MFAP5: variants seen among roughly 807,000 people sequenced by gnomAD.
MFAP5 encodes microfibrillar-associated protein 5.
A neutral mutation model predicts 30.1 loss-of-function variants in MFAP5; 19 were observed. That is an observed-to-expected ratio of 0.63 (90% CI 0.44 to 0.93). The LOEUF (loss-of-function observed/expected upper bound fraction) is 0.93, where lower values mean the gene tolerates loss of function less well. MFAP5 is among the 40% of genes least tolerant of loss of function. The probability of loss-of-function intolerance (pLI) is 0.00; values close to 1 mark genes in which losing one functional copy is unlikely to be tolerated. For missense variants in MFAP5, 210 were observed against 221.3 expected (o/e 0.95, Z 0.32); for synonymous variants, 92 against 72.9 (o/e 1.26, Z -1.33).
At position 8,646,246 on chromosome 12, in the gene MFAP5, T is replaced by A. The variant is rs917124628; in HGVS notation, c.*1845A>T. On this transcript the variant is annotated 3_prime_UTR_variant, in exon 10 of 10. Coordinates refer to ENST00000359478, the MANE Select transcript of MFAP5 (RefSeq NM_003480.4). ...TTTGGGGCTTTTTGTAGCATTTTTTTAAAATCAGTTGTACAGATCCCATTA... is the reference window on the plus strand; with the variant it reads ...TTTGGGGCTTTTTGTAGCATTTTTTAAAAATCAGTTGTACAGATCCCATTA... 4 of 152,394 alleles carry A rather than the reference T, an allele frequency of 2.6e-5. No homozygotes were observed. The highest frequency in any genetic ancestry group is 2.1e-4 in the South Asian group (1 of 4,828). 9.4% of individuals were successfully genotyped at this position (152,394 alleles called of 1,614,324 possible). A position where few individuals can be genotyped will look rare whatever the true frequency, so the allele number is the denominator to read the frequency against.
intron 9 of MFAP5, chr12:8,648,601 G>T: frequency 8.7e-7 from 1 of 1,151,442 alleles, no homozygotes; most frequent in Non-Finnish European, 1.2e-6. Flanking sequence ...ATACATTTAC[G>T]TGCTTACTAT....
chr12:8,647,937 GGT>G lies in MFAP5; in HGVS notation c.*152_*153del. The G allele has an allele frequency of 1.9e-6, 1 of 527,032 alleles. No individual in the cohort carries two copies. Among genetic ancestry groups the G allele is most frequent in the South Asian group, 2.9e-5 (1 of 34,272 alleles). 32.6% of individuals were successfully genotyped at this position (527,032 alleles called of 1,614,324 possible). A position where few individuals can be genotyped will look rare whatever the true frequency, so the allele number is the denominator to read the frequency against. Reference sequence around the variant, plus strand: ...AAATGAGATAAATGTTATCAGTTTGGGTGAAAAAGTAGAGAGTAGGGGTAAAA... The same window carrying G: ...AAATGAGATAAATGTTATCAGTTTGGGAAAAAGTAGAGAGTAGGGGTAAAA... On this transcript the variant is annotated 3_prime_UTR_variant, in exon 10 of 10. Transcript: ENST00000359478.
chr12:8,651,672 A>G lies in MFAP5; in HGVS notation c.237T>C (p.Asn79=), dbSNP rs1565523375. The G allele has an allele frequency of 6.2e-7, 1 of 1,613,918 alleles. No individual in the cohort carries two copies. The highest frequency in any genetic ancestry group is 2.2e-5 in the East Asian group (1 of 44,868). The change falls in exon 7 of 10, where the codon AAT becomes AAC. Residue 79 remains asparagine (N), a synonymous_variant. Transcript: ENST00000359478. ...TDDLASLSEK[N]TTAECWDEKF... ...AAGCAACAATCATACCTGCAGTGGT[A>G]TTTTTTTCACTGAGGGAGGCTGAAA...
intron 3 of MFAP5, among the ~76,000 whole-genome samples, chr12:8,656,668 A>ATATATT (rs1174790172): frequency 1.9e-4 from 23 of 118,766 alleles, no homozygotes; most frequent in South Asian, 9.9e-4. Context: ...ATATATATAT[A>ATATATT]TTTTTTTTTT....
intron 4 of MFAP5, 73 bp from the exon 5 acceptor site, chr12:8,655,520 C>A: frequency 1.4e-6 from 2 of 1,468,578 alleles, no homozygotes; most frequent in Non-Finnish European, 9.4e-7. Context: ...GATAAGGGGA[C>A]GATGATCTCA....
chr12:8,649,959 G>A (rs1048457237), intron 8 of MFAP5, among the ~76,000 whole-genome samples: 1 of 152,096 alleles, frequency 6.6e-6, no homozygotes, highest in Non-Finnish European at 1.5e-5. Context: ...AGTCCCCAAA[G>A]TCCATTATAT....
At chr12:8,649,314 T>G (rs1414684276) in intron 9 of MFAP5, among the ~76,000 whole-genome samples, 187 bp downstream of exon 9, 2 of 152,196 alleles carry the variant, frequency 1.3e-5, no homozygotes, top group Non-Finnish European at 2.9e-5. Flanking sequence ...GGGTTATGTT[T>G]GTATATCAAG....
At position 8,656,337 on chromosome 12, in the gene MFAP5, C is replaced by G. The variant is rs970137579; in HGVS notation, c.95-507G>C. On this transcript the variant is annotated intron_variant, in intron 3 of 9. Coordinates refer to ENST00000359478, the MANE Select transcript of MFAP5 (RefSeq NM_003480.4). ...TGCTGGGATTACAGGCGTGAGCCAC[C>G]GCGCCCAGCCCATAATTCTGATATA... is the stretch of plus-strand genomic sequence containing the variant. Among the ~76,000 whole-genome samples, 26 of 151,624 alleles carry G rather than the reference C, an allele frequency of 1.7e-4. 1 individual carries two copies. The highest frequency in any genetic ancestry group is 4.6e-4 in the African/African-American group (19 of 41,336).
chr12:8,652,421 G>C (rs1941861681), intron 6 of MFAP5, among the ~76,000 whole-genome samples: 1 of 150,492 alleles, frequency 6.6e-6, no homozygotes, highest in South Asian at 2.1e-4. Flanking sequence ...CTCCAGCCTA[G>C]GTGACAGAGG....
chr12:8,657,600 C>G (rs1197440144), intron 3 of MFAP5, among the ~76,000 whole-genome samples: 1 of 136,484 alleles, frequency 7.3e-6, no homozygotes, highest in Non-Finnish European at 1.5e-5. Flanking sequence ...GACGGAGTCT[C>G]GCCCTATCGC....
chr12:8,648,094 C>T lies in MFAP5; in HGVS notation c.519G>A (p.Leu173=), dbSNP rs921121311. The part of the protein sequence containing the change: ...ENVDLQRPNG[L] ...CTTCTTTCCTCTTTTTCAATGATCA[C>T]AGACCATTGGGTCTCTGCAAATCCA... Residue 173 remains leucine, a synonymous_variant, in exon 10 of 10, where the codon CTG becomes CTA. Transcript: ENST00000359478. 1.9e-6 allele frequency: 3 copies of T among 1,608,358 alleles called. No homozygotes were observed. In the Admixed American group the frequency reaches 5.0e-5, roughly 27 times the overall value.
At position 8,655,430 on chromosome 12, in the gene MFAP5, C is replaced by T. The variant is rs576618912; in HGVS notation, c.157G>A (p.Ala53Thr). The change falls in exon 5 of 10, where the codon GCT (alanine) becomes ACT (threonine). Residue 53 changes from alanine to threonine, a missense_variant. Physicochemically the swap from Ala to Thr is moderately conservative, Grantham distance 58. Coordinates refer to ENST00000359478, the MANE Select transcript of MFAP5 (RefSeq NM_003480.4). Reference sequence around the variant, plus strand: ...TAAAATTTACCTGTTTCATCTGTAGCGGGATCATTCACCAGATCTGCAAAG... The same window carrying T: ...TAAAATTTACCTGTTTCATCTGTAGTGGGATCATTCACCAGATCTGCAAAG... Reference protein sequence around the residue: ...TEDPNLVNDPATDETVLAVLA... With the variant: ...TEDPNLVNDPTTDETVLAVLA... 305 of 1,603,922 alleles carry T rather than the reference C, an allele frequency of 1.9e-4. 6 individuals are homozygous for T. The South Asian group carries it at 3.1e-3, about 16-fold the overall frequency.
chr12:8,658,104 T>G (rs1215746073), intron 3 of MFAP5, among the ~76,000 whole-genome samples: 2 of 152,198 alleles, frequency 1.3e-5, no homozygotes, highest in African/African-American at 2.4e-5. Flanking sequence ...ATCCCAGCAT[T>G]TTGGGAGGCC....
chr12:8,651,754 C>T (rs1000950364), intron 6 of MFAP5, 63 bp from the exon 7 acceptor site: 2 of 1,455,750 alleles, frequency 1.4e-6, no homozygotes, highest in East Asian at 4.5e-5. Context: ...CTGTAACTGC[C>T]ACACTGCCTC....
At chr12:8,657,279 CGTGGTG>C in intron 3 of MFAP5, among the ~76,000 whole-genome samples, 1 of 151,910 alleles carries the variant, frequency 6.6e-6, no homozygotes, top group Non-Finnish European at 1.5e-5. Context: ...ATTAGCCTGG[CGTGGTG>C]GTGCACGCCT....
At chr12:8,650,477 T>C (rs1458271527) in intron 8 of MFAP5, 25 bp downstream of exon 8, 29 of 1,604,206 alleles carry the variant, frequency 1.8e-5, no homozygotes, top group Non-Finnish European at 2.5e-5. Context: ...GGAAGATGCT[T>C]TTTGGGCATT....
Position 8,662,059 on chromosome 12 carries a change from T to C in MFAP5, c.46A>G (p.Ile16Val). Residue 16 changes from isoleucine to valine, a missense_variant, in exon 2 of 10, where the codon ATC (isoleucine) becomes GTC (valine). Coordinates refer to ENST00000359478, the MANE Select transcript of MFAP5 (RefSeq NM_003480.4). The part of the protein sequence containing the change: ...PKVLLFLAAF[I>V]ITSDWIPLGV... ...ATAAAGGACTCACCAGAGGTGATGA[T>C]GAATGCAGCAAGAAACAGCAGCACC... 1 of 1,613,864 alleles carries C rather than the reference T, an allele frequency of 6.2e-7. No individual in the cohort carries two copies. The highest frequency in any genetic ancestry group is 8.5e-7 in the Non-Finnish European group (1 of 1,179,976).
At chr12:8,660,461 A>G (rs1267795053) in intron 3 of MFAP5, among the ~76,000 whole-genome samples, 1 of 151,986 alleles carries the variant, frequency 6.6e-6, no homozygotes, top group Non-Finnish European at 1.5e-5. Context: ...TGCTGGGATT[A>G]TGGGTATAAG....
chr12:8,654,858 T>C lies in MFAP5; in HGVS notation c.173-377A>G, dbSNP rs1591570323. 2.0e-5 allele frequency among the ~76,000 whole-genome samples: 3 copies of C among 151,072 alleles called. No individual in the cohort carries two copies. In the South Asian group the frequency reaches 6.3e-4, roughly 32 times the overall value. Reference sequence around the variant, plus strand: ...CAGGAGGCTGAGGCAGGAGAATCACTTGAATGCTGGAGGCAGAGGTTGCTG... The same window carrying C: ...CAGGAGGCTGAGGCAGGAGAATCACCTGAATGCTGGAGGCAGAGGTTGCTG... On this transcript the variant is annotated intron_variant, in intron 5 of 9. Coordinates refer to ENST00000359478, the MANE Select transcript of MFAP5 (RefSeq NM_003480.4).
Sources: allele counts gnomAD v4.1 joint callset (sites outside exome capture counted in the v4.1 genomes callset), GRCh38; gene constraint gnomAD v4.1.1; transcripts MANE v1.5; gene names NCBI Gene and HGNC (gene_info 2026-07-23, HGNC 2026-07-21).